Variants in SEC22A observed in about 807,000 individuals in gnomAD.
SEC22A encodes SEC22 homolog A, vesicle trafficking protein.
A neutral mutation model predicts 35.3 loss-of-function variants in SEC22A; 22 were observed. The observed-to-expected ratio is 0.62, with a 90% confidence interval of 0.45 to 0.89. The LOEUF is 0.89. SEC22A is among the 40% of genes least tolerant of loss of function. SEC22A has a pLI of 0.00. For missense variants in SEC22A, 354 were observed against 362.5 expected, an observed-to-expected ratio of 0.98 and a Z score of 0.19; for synonymous variants, 119 against 129.5, an observed-to-expected ratio of 0.92 and a Z score of 0.55.
chr3:123,222,486 A>G (rs111794262), intron 2 of SEC22A, among the ~76,000 whole-genome samples: 2,773 of 152,204 alleles, frequency 0.018, 49 homozygotes, highest in Non-Finnish European at 0.025. Context: ...GGCCCCCACC[A>G]TGCCCGGCCT....
At chr3:123,239,857 C>T (rs1937494405) in intron 4 of SEC22A, among the ~76,000 whole-genome samples, 1 of 152,134 alleles carries the variant, frequency 6.6e-6, no homozygotes, top group African/African-American at 2.4e-5. Flanking sequence ...TCAATTTTGG[C>T]TTTTGCTGCC....
rs573760055 is a variant in SEC22A at position 123,216,832 on chromosome 3, T to C, written c.183-6727T>C. On this transcript the variant is annotated intron_variant, in intron 2 of 6. Transcript: ENST00000492595. ...ATGTTGAGCCCCTCTATTCAATATT[T>C]TATTTTTATTTTTAGAGATGGGGTT... Among the ~76,000 whole-genome samples the C allele has an allele frequency of 2.0e-5, 3 of 152,308 alleles. No homozygotes were observed. The Middle Eastern group carries it at 0.01, about 518-fold the overall frequency.
intron 5 of SEC22A, among the ~76,000 whole-genome samples, chr3:123,246,678 T>A (rs1937569992): frequency 6.6e-6 from 1 of 151,836 alleles, no homozygotes; most frequent in African/African-American, 2.4e-5. Context: ...CTTTTTGAAA[T>A]TTTTTTTTAA....
At chr3:123,219,536 C>G (rs1263225180) in intron 2 of SEC22A, among the ~76,000 whole-genome samples, 1 of 152,212 alleles carries the variant, frequency 6.6e-6, no homozygotes, top group African/African-American at 2.4e-5. Flanking sequence ...TACTAAGCCT[C>G]TCTGAGTTTC....
At chr3:123,233,475 G>C (rs745886428) in intron 4 of SEC22A, among the ~76,000 whole-genome samples, 1 of 152,136 alleles carries the variant, frequency 6.6e-6, no homozygotes, top group Non-Finnish European at 1.5e-5. Context: ...TGCATGACCT[G>C]CATAAATCCT....
chr3:123,253,606 G>A (rs777476073), intron 5 of SEC22A, among the ~76,000 whole-genome samples: 6 of 151,522 alleles, frequency 4.0e-5, no homozygotes, highest in South Asian at 2.1e-4. Flanking sequence ...CAGTTACTCC[G>A]CAGGCTGAGG....
Position 123,238,821 on chromosome 3 carries a change from G to A in SEC22A, c.542-7078G>A, listed in dbSNP as rs566194308. On this transcript the variant is annotated intron_variant, in intron 4 of 6. Coordinates refer to ENST00000492595, the MANE Select transcript of SEC22A (RefSeq NM_012430.5). ...TTATTTTCTGAAGTCTACAGATGTT[G>A]TTCATGGGGTTAAAATATTAAATGA... Among the ~76,000 whole-genome samples, 16 of 152,062 alleles carry A rather than the reference G, an allele frequency of 1.1e-4. No homozygotes were observed. The South Asian group carries it at 3.3e-3, about 32-fold the overall frequency.
At chr3:123,219,378 A>G (rs1483597893) in intron 2 of SEC22A, among the ~76,000 whole-genome samples, 1 of 152,198 alleles carries the variant, frequency 6.6e-6, no homozygotes, top group Non-Finnish European at 1.5e-5. Context: ...TGGCTTGGAA[A>G]AAGTGAAAAA....
At chr3:123,245,848 A>G (rs1209375414) in intron 4 of SEC22A, 51 bp from the exon 5 acceptor site, 4 of 1,010,524 alleles carry the variant, frequency 4.0e-6, no homozygotes, top group East Asian at 2.4e-5. Context: ...ACCTAAGTTC[A>G]TCTTTGTGAG....
chr3:123,216,484 A>G (rs1426012808), intron 2 of SEC22A, among the ~76,000 whole-genome samples: 1 of 152,200 alleles, frequency 6.6e-6, no homozygotes, highest in Non-Finnish European at 1.5e-5. Flanking sequence ...ATCATCTGGC[A>G]TATTTCATAT....
intron 2 of SEC22A, among the ~76,000 whole-genome samples, chr3:123,221,455 A>C (rs1937121097): frequency 7.5e-6 from 1 of 134,144 alleles, no homozygotes; most frequent in Admixed American, 8.0e-5. Flanking sequence ...TGGGTGACAG[A>C]GCAAGAGTCC....
At chr3:123,227,362 C>A (rs1937233109) in intron 4 of SEC22A, among the ~76,000 whole-genome samples, 1 of 151,584 alleles carries the variant, frequency 6.6e-6, no homozygotes. Flanking sequence ...CCTTTCCATC[C>A]TCTTAGACTA....
At chr3:123,271,461 T>C in intron 6 of SEC22A, 61 bp from the exon 7 acceptor site, 1 of 1,380,320 alleles carries the variant, frequency 7.2e-7, no homozygotes, top group Non-Finnish European at 1.0e-6. Flanking sequence ...AATTTTATAT[T>C]AGAAACATCT....
chr3:123,237,224 A>G (rs558021340), intron 4 of SEC22A, among the ~76,000 whole-genome samples: 114 of 152,380 alleles, frequency 7.5e-4, no homozygotes, highest in African/African-American at 2.7e-3. Context: ...CAAAGTTGAC[A>G]TAGCCTTGTG....
chr3:123,249,666 A>C (rs181945183), intron 5 of SEC22A, among the ~76,000 whole-genome samples: 1 of 152,112 alleles, frequency 6.6e-6, no homozygotes, highest in Non-Finnish European at 1.5e-5. Context: ...CTGGGATTAC[A>C]GATGTGCATC....
chr3:123,247,362 A>G (rs770965677), intron 5 of SEC22A, among the ~76,000 whole-genome samples: 3 of 152,214 alleles, frequency 2.0e-5, no homozygotes, highest in Non-Finnish European at 2.9e-5. Flanking sequence ...CTTATAAAAC[A>G]GTATACAAGT....
chr3:123,219,222 G>A (rs1937082322), intron 2 of SEC22A, among the ~76,000 whole-genome samples: 1 of 152,148 alleles, frequency 6.6e-6, no homozygotes, highest in Non-Finnish European at 1.5e-5. Flanking sequence ...GCCAGTGGGT[G>A]GCTGGAATGT....
chr3:123,253,899 G>A (rs2108088481), intron 5 of SEC22A, among the ~76,000 whole-genome samples: 1 of 151,576 alleles, frequency 6.6e-6, no homozygotes, highest in East Asian at 1.9e-4. Flanking sequence ...ACAAGACAGT[G>A]CCATAAAATA....
intron 2 of SEC22A, among the ~76,000 whole-genome samples, chr3:123,219,971 T>C (rs1035716675): frequency 6.6e-6 from 1 of 152,222 alleles, no homozygotes; most frequent in East Asian, 1.9e-4. Flanking sequence ...CTAAATTTAC[T>C]ATGAAAAGCC....
Sources: gnomAD v4.1 joint callset for allele counts (sites outside exome capture counted in the v4.1 genomes callset) on GRCh38, gnomAD v4.1.1 for gene constraint, MANE v1.5 for transcripts, NCBI Gene and HGNC (gene_info 2026-07-23, HGNC 2026-07-21) for gene names.